TLK1: variants seen among roughly 807,000 people sequenced by gnomAD.
TLK1 encodes the protein serine/threonine-protein kinase tousled-like 1.
TLK1 carries 24 observed loss-of-function variants against 105.3 expected under a neutral mutation model. That is an observed-to-expected ratio of 0.23 (90% CI 0.17 to 0.32). The LOEUF is 0.32. Ranked by LOEUF, TLK1 falls within the 10% of genes least tolerant of loss-of-function variation. TLK1 has a pLI of 1.00. For missense variants in TLK1, 558 were observed against 910.5 expected (o/e 0.61, Z 4.98); for synonymous variants, 321 against 310.4 (o/e 1.03, Z -0.36).
chr2:171,079,335 T>C (rs1186998927), intron 3 of TLK1, among the ~76,000 whole-genome samples: 1 of 152,230 alleles, frequency 6.6e-6, no homozygotes, highest in East Asian at 1.9e-4. Context: ...TGGTGGTTTC[T>C]TGCGCTTTGC....
chr2:171,184,854 T>TTTGTTTTC (rs374623435), intron 1 of TLK1, among the ~76,000 whole-genome samples: 3 of 106,396 alleles, frequency 2.8e-5, no homozygotes, highest in African/African-American at 1.3e-4. Context: ...TGTTTGTTTG[T>TTTGTTTTC]TTGAGATGGA....
At chr2:171,225,851 G>T (rs1441084775) in intron 1 of TLK1, among the ~76,000 whole-genome samples, 2 of 152,080 alleles carry the variant, frequency 1.3e-5, no homozygotes, top group Non-Finnish European at 2.9e-5. Context: ...TTTCCAAGGA[G>T]CCCTGATTTC....
chr2:171,207,498 C>A (rs998852901), intron 1 of TLK1, among the ~76,000 whole-genome samples: 4 of 151,990 alleles, frequency 2.6e-5, no homozygotes, highest in Non-Finnish European at 5.9e-5. Context: ...AAGAGGGAAC[C>A]CTAATACAAA....
chr2:171,006,815 G>A lies in TLK1; in HGVS notation c.1583C>T (p.Ser528Phe). 3.1e-6 allele frequency: 5 copies of A among 1,612,824 alleles called. No individual in the cohort carries two copies. Among genetic ancestry groups the A allele is most frequent in the Non-Finnish European group, 4.2e-6 (5 of 1,179,206 alleles). The change falls in exon 16 of 21, where the codon TCC (serine) becomes TTC (phenylalanine). Residue 528 changes from serine (S) to phenylalanine (F), a missense_variant. This residue lies in a region of TLK1 where 218 missense variants were observed against 492.9 expected (regional missense o/e 0.44). Coordinates refer to ENST00000431350, the MANE Select transcript of TLK1 (RefSeq NM_012290.5). ...PRIVKLYDYF[S>F]LDTDTFCTVL... ...ATTCACTTACGTATCTGTATCCAAG[G>A]AGAAATAATCATAGAGTTTAACTAT...
chr2:171,046,524 T>C (rs1575548470), intron 10 of TLK1, among the ~76,000 whole-genome samples, 162 bp from the exon 11 acceptor site: 2 of 152,206 alleles, frequency 1.3e-5, no homozygotes, highest in African/African-American at 4.8e-5. Context: ...TCAGGTCTCA[T>C]TTGAAAGAAT....
chr2:171,070,302 GTTTT>G (rs971013630), intron 3 of TLK1, among the ~76,000 whole-genome samples: 1 of 146,852 alleles, frequency 6.8e-6, no homozygotes, highest in African/African-American at 2.5e-5. Flanking sequence ...TCCACTTATA[GTTTT>G]TTTTTAAATA....
At chr2:171,213,517 A>T (rs6761671) in intron 1 of TLK1, among the ~76,000 whole-genome samples, 4,973 of 147,620 alleles carry the variant, frequency 0.034, 222 homozygotes, top group African/African-American at 0.11. Flanking sequence ...TCTTTTTTTT[A>T]AAAAAAAAAA....
Position 171,127,088 on chromosome 2 carries a change from A to G in TLK1, c.140-9231T>C, listed in dbSNP as rs910977411. On this transcript the variant is annotated intron_variant, in intron 1 of 20. Transcript: ENST00000431350. ...GTCAGGAGATCAAGACCAGCCTGGT[A>G]AACATGGTGAAACCCCAATTCTACT... Among the ~76,000 whole-genome samples the G allele has an allele frequency of 3.6e-4, 54 of 151,982 alleles. 1 individual carries two copies. Among genetic ancestry groups the G allele is most frequent in the African/African-American group, 1.2e-3 (50 of 41,502 alleles).
intron 13 of TLK1, among the ~76,000 whole-genome samples, chr2:171,013,456 C>T (rs1054995569): frequency 2.6e-5 from 4 of 151,042 alleles, no homozygotes; most frequent in African/African-American, 9.7e-5. Flanking sequence ...CAGGTGCATG[C>T]CACCATTCCC....
intron 1 of TLK1, among the ~76,000 whole-genome samples, chr2:171,133,324 C>G (rs1414603756): frequency 6.6e-6 from 1 of 152,128 alleles, no homozygotes; most frequent in South Asian, 2.1e-4. Flanking sequence ...TGAATTCAGG[C>G]GCAGGCTCAT....
chr2:171,057,365 T>C (rs1687550366), intron 5 of TLK1, among the ~76,000 whole-genome samples: 1 of 152,028 alleles, frequency 6.6e-6, no homozygotes, highest in African/African-American at 2.4e-5. Context: ...GCCTTATTTA[T>C]TTTATCAATA....
At chr2:171,102,131 A>C (rs1689718591) in intron 2 of TLK1, among the ~76,000 whole-genome samples, 1 of 152,294 alleles carries the variant, frequency 6.6e-6, no homozygotes, top group African/African-American at 2.4e-5. Flanking sequence ...TCTTGGAGAC[A>C]TTTCCAAATC....
intron 2 of TLK1, among the ~76,000 whole-genome samples, chr2:171,101,546 G>C (rs10208013): frequency 6.6e-6 from 1 of 152,104 alleles, no homozygotes; most frequent in Non-Finnish European, 1.5e-5. Flanking sequence ...AAATGTTTTA[G>C]AGTTCGACAG....
At position 171,127,288 on chromosome 2, in the gene TLK1, A is replaced by G. The variant is rs532067713; in HGVS notation, c.140-9431T>C. Among the ~76,000 whole-genome samples, 537 of 146,510 alleles carry G rather than the reference A, an allele frequency of 3.7e-3. 8 individuals carry two copies. The highest frequency in any genetic ancestry group is 0.013 in the African/African-American group (494 of 38,750). On this transcript the variant is annotated intron_variant, in intron 1 of 20. Coordinates refer to ENST00000431350, the MANE Select transcript of TLK1 (RefSeq NM_012290.5). ...TGAGACTCCCGTCTCAAAAAAAAAA[A>G]AAAAAGAAAGAAAAAATTCAAGAAG...
intron 12 of TLK1, among the ~76,000 whole-genome samples, chr2:171,022,011 G>A (rs750132115): frequency 6.6e-6 from 1 of 151,636 alleles, no homozygotes; most frequent in South Asian, 2.1e-4. Context: ...GCTGAGGCAG[G>A]AGAATCGATT....
intron 3 of TLK1, chr2:171,081,800 C>T: frequency 1.2e-6 from 1 of 851,670 alleles, no homozygotes; most frequent in Non-Finnish European, 1.7e-6. Flanking sequence ...AAACTGTCTA[C>T]CTAGAGATTT....
At chr2:171,105,226 A>G (rs1689867101) in intron 2 of TLK1, among the ~76,000 whole-genome samples, 1 of 152,336 alleles carries the variant, frequency 6.6e-6, no homozygotes, top group Non-Finnish European at 1.5e-5. Flanking sequence ...CCTGCAAGAA[A>G]GTGATTTGTA....
chr2:171,052,555 T>A (rs1049612370), intron 8 of TLK1, among the ~76,000 whole-genome samples: 1 of 152,186 alleles, frequency 6.6e-6, no homozygotes, highest in Non-Finnish European at 1.5e-5. Flanking sequence ...GTTATACTCA[T>A]CAAAGTGGAT....
intron 1 of TLK1, among the ~76,000 whole-genome samples, chr2:171,145,374 G>A (rs1465652107): frequency 1.3e-5 from 2 of 152,014 alleles, no homozygotes; most frequent in African/African-American, 4.8e-5. Flanking sequence ...GGTGGATCAC[G>A]AGGTCAGGAG....
Sources: gnomAD v4.1 joint callset for allele counts (sites outside exome capture counted in the v4.1 genomes callset) on GRCh38, gnomAD v4.1.1 for gene constraint, gnomAD v4.1.1 regional missense constraint, MANE v1.5 for transcripts, NCBI Gene and HGNC (gene_info 2026-07-23, HGNC 2026-07-21) for gene names.